Variants in USP28 observed in about 807,000 individuals in gnomAD.
USP28 encodes the protein ubiquitin carboxyl-terminal hydrolase 28.
USP28 carries 113 observed loss-of-function variants against 145.0 expected under a neutral mutation model. The ratio of observed to expected loss-of-function variants is 0.78; its 90% CI spans 0.67 to 0.91. The LOEUF is 0.91. Ranked by LOEUF, USP28 falls within the 40% of genes least tolerant of loss-of-function variation. The probability of loss-of-function intolerance (pLI) is 0.00; values close to 1 mark genes in which losing one functional copy is unlikely to be tolerated. For synonymous variants in USP28, 447 were observed against 450.9 expected (o/e 0.99, Z 0.11); for missense variants, 1,201 against 1,289.6 (o/e 0.93, Z 1.05).
At chr11:113,862,185 A>G (rs1436115186) in intron 1 of USP28, among the ~76,000 whole-genome samples, 2 of 152,102 alleles carry the variant, frequency 1.3e-5, no homozygotes, top group African/African-American at 4.8e-5. Flanking sequence ...CATCTCTACT[A>G]AAAATACAAA....
chr11:113,829,005 T>C, intron 10 of USP28, 192 bp downstream of exon 10: 1 of 767,046 alleles, frequency 1.3e-6, no homozygotes, highest in Non-Finnish European at 2.2e-6. Flanking sequence ...AAATTCATAG[T>C]TTTAGTAAAA....
intron 1 of USP28, among the ~76,000 whole-genome samples, chr11:113,863,671 C>T (rs1453646897): frequency 1.2e-4 from 17 of 143,452 alleles, no homozygotes; most frequent in Non-Finnish European, 2.6e-4. Context: ...TTAGGCCGGG[C>T]GCGGTGGCTC....
At chr11:113,808,400 C>G (rs779532737) in exon 18 of USP28, 12 of 1,614,092 alleles carry the variant, frequency 7.4e-6, no homozygotes, top group Non-Finnish European at 1.0e-5. Flanking sequence ...GCTCAGACGA[C>G]AAGCAGCGAA....
chr11:113,800,289 G>A (rs1278960878), intron 24 of USP28, among the ~76,000 whole-genome samples: 1 of 152,062 alleles, frequency 6.6e-6, no homozygotes, highest in Non-Finnish European at 1.5e-5. Flanking sequence ...ACAGGCGTGA[G>A]CCACTGCGCC....
intron 1 of USP28, among the ~76,000 whole-genome samples, chr11:113,863,328 A>T (rs1376564531): frequency 6.6e-6 from 1 of 152,204 alleles, no homozygotes; most frequent in Non-Finnish European, 1.5e-5. Context: ...CCAAAGAGGT[A>T]AAAAACCTGG....
rs543106492 is a variant in USP28 at position 113,840,149 on chromosome 11, T to C, written c.534+449A>G. Among the ~76,000 whole-genome samples, 34 of 152,326 alleles carry C rather than the reference T, an allele frequency of 2.2e-4. No homozygotes were observed. In the East Asian group the frequency reaches 5.0e-3, roughly 22 times the overall value. On this transcript the variant is annotated intron_variant, in intron 5 of 24. Transcript: ENST00000003302. ...ACTAGAAACCTCATAGTCTTACTCT[T>C]ACTCAACTACTGCAGGCATATCCTG... is the stretch of plus-strand genomic sequence containing the variant.
At chr11:113,850,497 G>T (rs1946334438) in intron 3 of USP28, among the ~76,000 whole-genome samples, 1 of 152,204 alleles carries the variant, frequency 6.6e-6, no homozygotes, top group African/African-American at 2.4e-5. Flanking sequence ...GTTGCAGTGT[G>T]TACCAAGAGA....
chr11:113,799,746 T>C (rs1185336602), intron 24 of USP28, among the ~76,000 whole-genome samples: 2 of 152,202 alleles, frequency 1.3e-5, no homozygotes, highest in Admixed American at 1.3e-4. Context: ...TATATCAGTG[T>C]ATACACATGG....
chr11:113,869,289 C>T (rs1166067072), intron 1 of USP28, among the ~76,000 whole-genome samples: 16 of 152,112 alleles, frequency 1.1e-4, no homozygotes, highest in African/African-American at 2.7e-4. Context: ...AAAAATTAGG[C>T]GTGGTGGCAT....
chr11:113,799,336 A>T (rs1478598912), exon 25 of USP28: 1 of 1,614,094 alleles, frequency 6.2e-7, no homozygotes, highest in Non-Finnish European at 8.5e-7. Context: ...GAATAGTTGG[A>T]GGCTCTTTCA....
intron 3 of USP28, among the ~76,000 whole-genome samples, chr11:113,851,043 T>C (rs567550221): frequency 1.1e-4 from 16 of 152,314 alleles, no homozygotes; most frequent in Non-Finnish European, 2.1e-4. Context: ...TTGAGTCACC[T>C]TTAACTCCTC....
chr11:113,848,154 C>T (rs1239124870), intron 3 of USP28, among the ~76,000 whole-genome samples: 1 of 152,146 alleles, frequency 6.6e-6, no homozygotes. Flanking sequence ...AGAATTGATA[C>T]TGCAGATCAG....
At chr11:113,821,455 C>G in intron 12 of USP28, 1 of 222,550 alleles carries the variant, frequency 4.5e-6, no homozygotes, top group South Asian at 8.3e-5. Context: ...GGGCGCTGAG[C>G]TGAGAGGATT....
rs1218319759 is a variant in USP28, at chr11:113,812,520, T to C, written c.1744-16A>G. 6.2e-6 allele frequency: 10 copies of C among 1,608,022 alleles called. No individual in the cohort carries two copies. Among genetic ancestry groups the C allele is most frequent in the African/African-American group, 5.5e-5 (4 of 73,232 alleles). ...GATAAGGCACCTGTAAGTCAGAATG[T>C]ACATTCCCCAGTCAGGTGAAGCAAA... is the stretch of plus-strand genomic sequence containing the variant. On this transcript the variant is annotated splice_polypyrimidine_tract_variant and intron_variant, in intron 15 of 24. Transcript: ENST00000003302.
chr11:113,867,711 C>G (rs1948418828), intron 1 of USP28, among the ~76,000 whole-genome samples: 1 of 150,482 alleles, frequency 6.6e-6, no homozygotes, highest in Non-Finnish European at 1.5e-5. Context: ...TGCACTCCAG[C>G]CTGAGCAACA....
rs1276838321 is a variant in USP28 at position 113,809,048 on chromosome 11, T to G, written c.2164+15A>C. The G allele has an allele frequency of 8.1e-6, 13 of 1,608,436 alleles. No individual in the cohort carries two copies. Among genetic ancestry groups the G allele is most frequent in the Non-Finnish European group, 1.1e-5 (13 of 1,177,252 alleles). Reference sequence around the variant, plus strand: ...GATGTTACTGGATCACTGGCATAAATGCCTTCTCAGATACCTTGTGATGTA... The same window carrying G: ...GATGTTACTGGATCACTGGCATAAAGGCCTTCTCAGATACCTTGTGATGTA... On this transcript the variant is annotated intron_variant, in intron 17 of 24. Coordinates refer to ENST00000003302, the Ensembl canonical transcript of USP28.
intron 1 of USP28, among the ~76,000 whole-genome samples, chr11:113,866,795 G>A (rs978743305): frequency 2.0e-5 from 3 of 152,066 alleles, no homozygotes; most frequent in Non-Finnish European, 2.9e-5. Flanking sequence ...TTCCTTCTAG[G>A]TATATACCCA....
intron 1 of USP28, among the ~76,000 whole-genome samples, chr11:113,861,123 C>CAA (rs1166313897): frequency 1.0e-4 from 9 of 88,196 alleles, no homozygotes; most frequent in Non-Finnish European, 1.4e-4. Context: ...GACTACACCT[C>CAA]AAAAAAAAAA....
chr11:113,828,112 T>A (rs1024354236), intron 10 of USP28, among the ~76,000 whole-genome samples: 14 of 152,238 alleles, frequency 9.2e-5, no homozygotes, highest in African/African-American at 2.7e-4. Flanking sequence ...ATGTCTGAGG[T>A]TCCTGTCAAC....
Sources: allele counts gnomAD v4.1 joint callset (sites outside exome capture counted in the v4.1 genomes callset), GRCh38; gene constraint gnomAD v4.1.1; transcripts MANE v1.5; gene names NCBI Gene and HGNC (gene_info 2026-07-23, HGNC 2026-07-21).